Variants in ACSS1 observed in about 807,000 individuals in gnomAD.
ACSS1 encodes acyl-CoA synthetase short chain family member 1, also known as acetyl-coenzyme A synthetase 2-like, mitochondrial.
A neutral mutation model predicts 75.3 loss-of-function variants in ACSS1; 42 were observed. The observed-to-expected ratio is 0.56, with a 90% CI of 0.44 to 0.72. The LOEUF (loss-of-function observed/expected upper bound fraction) is 0.72. Ranked by LOEUF, ACSS1 falls within the 30% of genes least tolerant of loss-of-function variation. The pLI is 0.00. For missense variants in ACSS1, 782 were observed against 935.7 expected (o/e 0.84, Z 2.14); for synonymous variants, 380 against 376.8 (o/e 1.01, Z -0.10).
At chr20:25,031,445 AT>A (rs1205128289) in intron 2 of ACSS1, among the ~76,000 whole-genome samples, 2 of 152,238 alleles carry the variant, frequency 1.3e-5, no homozygotes, top group Non-Finnish European at 2.9e-5. Flanking sequence ...GATTATAGGC[AT>A]GCTTTGATGT....
At chr20:25,056,297 CCTT>C (rs2089241625) in intron 1 of ACSS1, among the ~76,000 whole-genome samples, 1 of 152,148 alleles carries the variant, frequency 6.6e-6, no homozygotes, top group African/African-American at 2.4e-5. Flanking sequence ...GCTCTAGTCT[CCTT>C]CAAGGGCACA....
At chr20:25,024,401 G>A (rs2088678880) in intron 3 of ACSS1, among the ~76,000 whole-genome samples, 1 of 152,216 alleles carries the variant, frequency 6.6e-6, no homozygotes, top group Non-Finnish European at 1.5e-5. Context: ...GGATGACCCA[G>A]AGGGATCACA....
At position 25,006,709 on chromosome 20, in the gene ACSS1, T is replaced by C; in HGVS notation, c.*1053A>G. 1 of 1,145,970 alleles carries C rather than the reference T, an allele frequency of 8.7e-7. No individual in the cohort carries two copies. The highest frequency in any genetic ancestry group is 1.6e-5 in the South Asian group (1 of 61,958). The allele number at this position is 1,145,970 out of a possible 1,614,324, so 71.0% of individuals were successfully genotyped here. A position where few individuals can be genotyped will look rare whatever the true frequency, so the allele number is the denominator to read the frequency against. ...CACTGGCGTCGTGATTTCCATTATC[T>C]TGCTAATGTTGACAGCACCTAAGTC... On this transcript the variant is annotated 3_prime_UTR_variant, in exon 14 of 14. Transcript: ENST00000323482.
intron 7 of ACSS1, among the ~76,000 whole-genome samples, chr20:25,018,897 C>T (rs2088567372): frequency 2.0e-5 from 3 of 152,188 alleles, no homozygotes; most frequent in Admixed American, 6.5e-5. Context: ...TACTAAGGCT[C>T]ACATCTGACC....
chr20:25,043,758 G>A (rs557349879), intron 2 of ACSS1, among the ~76,000 whole-genome samples: 4 of 152,196 alleles, frequency 2.6e-5, no homozygotes, highest in Non-Finnish European at 4.4e-5. Flanking sequence ...TCACAGACTC[G>A]GGGCCCAGCT....
Position 25,020,004 on chromosome 20 carries a change from G to T in ACSS1, c.1246+6C>A. 1 of 1,614,108 alleles carries T rather than the reference G, an allele frequency of 6.2e-7. No individual in the cohort carries two copies. Among genetic ancestry groups the T allele is most frequent in the Non-Finnish European group, 8.5e-7 (1 of 1,180,024 alleles). ...AACCTCTCCTGCTGCAGGGCAGGCCGCTCACCTGACCCCAGGGTCCGCAGG... is the reference window on the plus strand; with the variant it reads ...AACCTCTCCTGCTGCAGGGCAGGCCTCTCACCTGACCCCAGGGTCCGCAGG... On this transcript the variant is annotated splice_donor_region_variant and intron_variant, in intron 7 of 13. Coordinates refer to ENST00000323482, the MANE Select transcript of ACSS1 (RefSeq NM_032501.4).
At position 25,057,837 on chromosome 20, in the gene ACSS1, G is replaced by A. The variant is rs1401605913; in HGVS notation, c.266C>T (p.Thr89Ile). Reference sequence around the variant, plus strand: ...AGTGCTGAAGTCGCAGTCCCAGACGGTGTGGTAGGGGGTGTCCCACACGAG... The same window carrying A: ...AGTGCTGAAGTCGCAGTCCCAGACGATGTGGTAGGGGGTGTCCCACACGAG... ...DTLVWDTPYH[T>I]VWDCDFSTGK... The change falls in exon 1 of 14, where the codon ACC becomes ATC. Residue 89 changes from threonine (T) to isoleucine (I), a missense_variant. By Grantham distance (89) the Thr-to-Ile change is moderately conservative (BLOSUM62 -1). This residue lies in a region of ACSS1 where 377 missense variants were observed against 383.1 expected (regional missense o/e 0.98). Transcript: ENST00000323482. 8 of 1,611,172 alleles carry A rather than the reference G, an allele frequency of 5.0e-6. No homozygotes were observed. The highest frequency in any genetic ancestry group is 6.8e-6 in the Non-Finnish European group (8 of 1,178,632).
At chr20:25,056,664 G>C (rs905077409) in intron 1 of ACSS1, among the ~76,000 whole-genome samples, 1 of 152,114 alleles carries the variant, frequency 6.6e-6, no homozygotes, top group Non-Finnish European at 1.5e-5. Context: ...CTGAGGGCTG[G>C]GGGGGCAGAA....
Position 25,012,667 on chromosome 20 carries a change from G to A in ACSS1, c.1708-3C>T. 1 of 1,614,218 alleles carries A rather than the reference G, an allele frequency of 6.2e-7. No individual in the cohort carries two copies. Among genetic ancestry groups the A allele is most frequent in the Non-Finnish European group, 8.5e-7 (1 of 1,180,038 alleles). On this transcript the variant is annotated splice_region_variant and splice_polypyrimidine_tract_variant and intron_variant, in intron 11 of 13. Coordinates refer to ENST00000323482, the MANE Select transcript of ACSS1 (RefSeq NM_032501.4). ...TCTGGTACTGCAGGGTGGTCGGCCT[G>A]TGTACAACAGAGAACAAAAGGGCAA...
intron 1 of ACSS1, among the ~76,000 whole-genome samples, chr20:25,054,000 C>T (rs1464402197): frequency 6.6e-6 from 1 of 152,252 alleles, no homozygotes; most frequent in Admixed American, 6.5e-5. Flanking sequence ...AAGGACAGAG[C>T]CAAATTTCAC....
intron 7 of ACSS1, among the ~76,000 whole-genome samples, chr20:25,018,675 A>G (rs1289205560): frequency 4.6e-5 from 7 of 152,206 alleles, no homozygotes; most frequent in Admixed American, 4.6e-4. Context: ...TGTTTGCTCA[A>G]AGGACTGATG....
At chr20:25,013,478 A>G in intron 10 of ACSS1, 58 bp downstream of exon 10, 1 of 1,538,066 alleles carries the variant, frequency 6.5e-7, no homozygotes, top group Admixed American at 2.0e-5. Context: ...GTTTTCTGAG[A>G]ATAAGATTCC....
At chr20:25,014,187 G>T in intron 8 of ACSS1, 114 bp from the exon 9 acceptor site, 1 of 839,858 alleles carries the variant, frequency 1.2e-6, no homozygotes, top group Non-Finnish European at 1.9e-6. Flanking sequence ...ACGCCTCAGG[G>T]GCACAACGAT....
intron 2 of ACSS1, among the ~76,000 whole-genome samples, chr20:25,047,491 A>G (rs994013320): frequency 1.3e-5 from 2 of 152,212 alleles, no homozygotes; most frequent in Non-Finnish European, 2.9e-5. Context: ...ACTGACACGA[A>G]GGCACCCAGT....
chr20:25,023,445 G>A (rs768929099), intron 4 of ACSS1, 21 bp downstream of exon 4: 84 of 1,613,462 alleles, frequency 5.2e-5, no homozygotes, highest in Middle Eastern at 1.7e-4. Flanking sequence ...GCCTCAAACT[G>A]TGCAAAGCGA....
intron 12 of ACSS1, chr20:25,012,117 C>T (rs1773176807): frequency 6.0e-6 from 1 of 167,002 alleles, no homozygotes; most frequent in South Asian, 1.5e-4. Context: ...GTGGGAACCA[C>T]AGGTCAGATT....
Position 25,023,108 on chromosome 20 carries a change from A to T in ACSS1, c.808-16T>A. 1.9e-6 allele frequency: 3 copies of T among 1,607,732 alleles called. No individual in the cohort carries two copies. The South Asian group carries it at 3.3e-5, about 18-fold the overall frequency. On this transcript the variant is annotated splice_polypyrimidine_tract_variant and intron_variant, in intron 4 of 13. Transcript: ENST00000323482. ...TGGCCATTTCCTGGCAGGGAGAAGA[A>T]ACAAACAGCCCACCGAGGGCACTCA... is the stretch of plus-strand genomic sequence containing the variant.
Position 25,007,399 on chromosome 20 carries a change from T to A in ACSS1, c.*363A>T, listed in dbSNP as rs2088326834. On this transcript the variant is annotated 3_prime_UTR_variant, in exon 14 of 14. Coordinates refer to ENST00000323482, the MANE Select transcript of ACSS1 (RefSeq NM_032501.4). ...GATCTGGAGAAAACACGGTTGCTAC[T>A]AGCTAACTAGCTCTGTGTTATCTGA... 9.0e-7 allele frequency: 1 copy of A among 1,115,150 alleles called. No homozygotes were observed. Among genetic ancestry groups the A allele is most frequent in the Non-Finnish European group, 1.1e-6 (1 of 911,628 alleles). The allele number at this position is 1,115,150 out of a possible 1,614,324, so 69.1% of individuals were successfully genotyped here.
rs551206093 is a variant in ACSS1, at chr20:25,018,867, C to T, written c.1246+1143G>A. 6.2e-4 allele frequency among the ~76,000 whole-genome samples: 94 copies of T among 152,338 alleles called. 1 individual carries two copies. Among genetic ancestry groups the T allele is most frequent in the Middle Eastern group, 3.4e-3 (1 of 294 alleles). ...TTCCTCAGGAGCTCTCTCCATTAAT[C>T]ATCTCCATGCTGAACATTATACTAA... On this transcript the variant is annotated intron_variant, in intron 7 of 13. Transcript: ENST00000323482.
Sources: allele counts gnomAD v4.1 joint callset (sites outside exome capture counted in the v4.1 genomes callset), GRCh38; gene constraint gnomAD v4.1.1; regional missense constraint gnomAD v4.1.1; transcripts MANE v1.5; gene names NCBI Gene and HGNC (gene_info 2026-07-23, HGNC 2026-07-21).